Variants in UST observed in about 807,000 individuals in gnomAD.
UST encodes the protein uronyl 2-sulfotransferase.
Under a neutral mutation model 45.6 loss-of-function variants are expected in UST, and 21 were observed. The ratio of observed to expected loss-of-function variants is 0.46; its 90% CI spans 0.33 to 0.66. The LOEUF (loss-of-function observed/expected upper bound fraction) is 0.66. Ranked by LOEUF, UST falls within the 30% of genes least tolerant of loss-of-function variation. UST has a pLI of 0.02. For synonymous variants in UST, 215 were observed against 200.6 expected (o/e 1.07, Z -0.61); for missense variants, 463 against 512.4 (o/e 0.90, Z 0.93).
intron 1 of UST, among the ~76,000 whole-genome samples, chr6:148,780,121 A>G (rs1308613224): frequency 1.4e-5 from 2 of 145,410 alleles, no homozygotes; most frequent in Non-Finnish European, 3.1e-5. Context: ...ATGTGTGTGT[A>G]TATATATACA....
chr6:148,784,344 CTT>C (rs1034317437), intron 1 of UST, among the ~76,000 whole-genome samples: 1 of 152,200 alleles, frequency 6.6e-6, no homozygotes, highest in African/African-American at 2.4e-5. Context: ...CGATGACACT[CTT>C]TTTATGTAAT....
At chr6:149,031,991 CAG>C (rs1267510113) in intron 7 of UST, among the ~76,000 whole-genome samples, 1 of 152,214 alleles carries the variant, frequency 6.6e-6, no homozygotes, top group Non-Finnish European at 1.5e-5. Context: ...TAGAAGCACT[CAG>C]AGTGAGGAGA....
chr6:148,880,855 C>T (rs1166580685), intron 1 of UST, among the ~76,000 whole-genome samples: 1 of 151,934 alleles, frequency 6.6e-6, no homozygotes, highest in Admixed American at 6.6e-5. Context: ...TGGTGAAACC[C>T]CATCTCTACT....
chr6:148,958,926 C>A (rs1214514510), intron 4 of UST: 1 of 152,234 alleles, frequency 6.6e-6, no homozygotes, highest in East Asian at 1.9e-4. Context: ...ACCACCACTT[C>A]CCTTATCCTT....
intron 7 of UST, among the ~76,000 whole-genome samples, chr6:149,039,313 G>C (rs1168150836): frequency 1.3e-5 from 2 of 152,034 alleles, no homozygotes; most frequent in Non-Finnish European, 2.9e-5. Flanking sequence ...CGCAACCTTC[G>C]CCTCTCAGGT....
chr6:148,988,556 A>G (rs1018026541), intron 5 of UST, among the ~76,000 whole-genome samples: 2 of 142,054 alleles, frequency 1.4e-5, no homozygotes, highest in Non-Finnish European at 3.0e-5. Context: ...CCTGGGTGAC[A>G]GAGAAAGACC....
At chr6:148,957,587 C>T (rs1780543033) in intron 4 of UST, among the ~76,000 whole-genome samples, 1 of 152,150 alleles carries the variant, frequency 6.6e-6, no homozygotes, top group South Asian at 2.1e-4. Context: ...GCATGCACCA[C>T]CACACCTGGC....
chr6:149,071,513 TA>T (rs1204351885), intron 7 of UST, among the ~76,000 whole-genome samples: 1 of 152,076 alleles, frequency 6.6e-6, no homozygotes, highest in Non-Finnish European at 1.5e-5. Flanking sequence ...AGAAAACAGA[TA>T]AAATGGTCTC....
chr6:148,789,653 G>A (rs1176016652), intron 1 of UST, among the ~76,000 whole-genome samples: 3 of 151,992 alleles, frequency 2.0e-5, no homozygotes, highest in African/African-American at 7.3e-5. Context: ...AGGTTCTAGT[G>A]ATTCTCCTGT....
At position 149,064,520 on chromosome 6, in the gene UST, CT is replaced by C. The variant is rs1163007284; in HGVS notation, c.938-9312del. 5.3e-5 allele frequency among the ~76,000 whole-genome samples: 8 copies of C among 152,268 alleles called. No individual in the cohort carries two copies. The East Asian group carries it at 1.5e-3, about 29-fold the overall frequency. ...GATGCCCCATTCACTGCAACAATTC[CT>C]GTGCGTGGTGCAGAATAGCTATTCA... On this transcript the variant is annotated intron_variant, in intron 7 of 7. Transcript: ENST00000367463.
In UST at chr6:148,790,082, G is replaced by A. The variant is rs1776813666; in HGVS notation, c.247+42405G>A. On this transcript the variant is annotated intron_variant, in intron 1 of 7. Coordinates refer to ENST00000367463, the MANE Select transcript of UST (RefSeq NM_005715.3). This position sits in a 1 kb window ranked among gnomAD's most constrained non-coding sequence, Gnocchi z 4.2. ...GCTCTTTTCTTTCTCTGGGAATAAT[G>A]CATTCGCATTGCTATCGTAGTTATC... Among the ~76,000 whole-genome samples the A allele has an allele frequency of 6.9e-6, 1 of 145,788 alleles. No individual in the cohort carries two copies. The highest frequency in any genetic ancestry group is 7.0e-5 in the Admixed American group (1 of 14,256).
intron 1 of UST, among the ~76,000 whole-genome samples, chr6:148,757,968 A>G (rs1265506076): frequency 6.6e-6 from 1 of 152,230 alleles, no homozygotes; most frequent in Non-Finnish European, 1.5e-5. Context: ...GATGTATACA[A>G]TAGGATTAAT....
chr6:148,987,307 C>G (rs1781256401), intron 5 of UST, among the ~76,000 whole-genome samples: 1 of 152,178 alleles, frequency 6.6e-6, no homozygotes, highest in Non-Finnish European at 1.5e-5. Context: ...TTCCAGATCT[C>G]CAGACTCTTC....
chr6:148,915,003 G>T lies in UST; in HGVS notation c.292-26276G>T, dbSNP rs1779557259. On this transcript the variant is annotated intron_variant, in intron 2 of 7. Transcript: ENST00000367463. Reference sequence around the variant, plus strand: ...AGTGTCTGGTGACTGCCTGATTCCTGGTTCACAGATGGTGCCTTCTCACAT... The same window carrying T: ...AGTGTCTGGTGACTGCCTGATTCCTTGTTCACAGATGGTGCCTTCTCACAT... Among the ~76,000 whole-genome samples, 4 of 152,054 alleles carry T rather than the reference G, an allele frequency of 2.6e-5. No individual in the cohort carries two copies. In the South Asian group the frequency reaches 8.3e-4, roughly 32 times the overall value.
rs1160155304 is a variant in UST, at chr6:148,747,411, G to A, written c.-20G>A. ...CCTTTTCCTGGCACGGGCAGGCTGT[G>A]GGAGGCAGCGGAGCAGGCGATGAAG... is the stretch of plus-strand genomic sequence containing the variant. On this transcript the variant is annotated 5_prime_UTR_variant, in exon 1 of 8. Coordinates refer to ENST00000367463, the MANE Select transcript of UST (RefSeq NM_005715.3). The A allele has an allele frequency of 4.3e-6, 6 of 1,393,790 alleles. No homozygotes were observed. The highest frequency in any genetic ancestry group is 5.6e-6 in the Non-Finnish European group (6 of 1,069,972). 86.3% of individuals were successfully genotyped at this position (1,393,790 alleles called of 1,614,324 possible). A position where few individuals can be genotyped will look rare whatever the true frequency, so the allele number is the denominator to read the frequency against.
At chr6:149,028,025 G>A (rs1776075559) in intron 7 of UST, among the ~76,000 whole-genome samples, 1 of 151,888 alleles carries the variant, frequency 6.6e-6, no homozygotes, top group African/African-American at 2.4e-5. Context: ...TGTATTTTTG[G>A]TAGAGACGGG....
intron 2 of UST, among the ~76,000 whole-genome samples, chr6:148,914,227 A>T (rs578220692): frequency 6.6e-6 from 1 of 152,314 alleles, no homozygotes; most frequent in East Asian, 1.9e-4. Flanking sequence ...CAATATTGTT[A>T]AATACAGTCT....
intron 1 of UST, among the ~76,000 whole-genome samples, chr6:148,833,136 G>T (rs1475351270): frequency 6.6e-6 from 1 of 152,050 alleles, no homozygotes; most frequent in East Asian, 1.9e-4. Context: ...AGTATCATAG[G>T]GTATAATGAA....
chr6:148,910,533 C>T (rs1165472223), intron 2 of UST, among the ~76,000 whole-genome samples: 1 of 152,112 alleles, frequency 6.6e-6, no homozygotes, highest in Non-Finnish European at 1.5e-5. Context: ...TACTGCAGCC[C>T]ACCTGTTCTT....
Sources: gnomAD v4.1 joint callset for allele counts (sites outside exome capture counted in the v4.1 genomes callset) on GRCh38, gnomAD v4.1.1 for gene constraint, Gnocchi (gnomAD v3.1) non-coding constraint, MANE v1.5 for transcripts, NCBI Gene and HGNC (gene_info 2026-07-23, HGNC 2026-07-21) for gene names.